Variants in ATP1A4 observed in about 807,000 individuals in gnomAD.
ATP1A4 encodes the protein ATPase Na+/K+ transporting subunit alpha 4, also known as sodium/potassium-transporting ATPase subunit alpha-4.
ATP1A4 carries 90 observed loss-of-function variants against 114.3 expected under a neutral mutation model. That is an observed-to-expected ratio of 0.79 (90% CI 0.66 to 0.94). ATP1A4 has a LOEUF of 0.94. Among genes scored for constraint, ATP1A4 ranks in the 40% least tolerant of loss-of-function variants. The pLI is 0.00. For missense variants in ATP1A4, 1,222 were observed against 1,313.6 expected (o/e 0.93, Z 1.08); for synonymous variants, 511 against 494.1 (o/e 1.03, Z -0.45).
At position 160,156,102 on chromosome 1, in the gene ATP1A4, T is replaced by C. The variant is rs1332931453; in HGVS notation, c.469T>C (p.Tyr157His). 6.2e-7 allele frequency: 1 copy of C among 1,614,008 alleles called. No homozygotes were observed. Among genetic ancestry groups the C allele is most frequent in the African/African-American group, 1.3e-5 (1 of 75,006 alleles). Residue 157 changes from tyrosine to histidine, a missense_variant, in exon 4 of 22, where the codon TAT (tyrosine) becomes CAT (histidine). Physicochemically the swap from Tyr to His is moderately conservative, Grantham distance 83. Transcript: ENST00000368081. ...CATCGTCACTGGCTGCTTCTCCTAT[T>C]ATCAGGAGGCCAAGAGCTCCAAGAT... ...VVIVTGCFSY[Y>H]QEAKSSKIME...
intron 12 of ATP1A4, among the ~76,000 whole-genome samples, chr1:160,172,934 A>G (rs1406418969): frequency 6.6e-6 from 1 of 152,356 alleles, no homozygotes; most frequent in East Asian, 1.9e-4. Context: ...GAAACTTTAC[A>G]AGGAAGCCAC....
At chr1:160,178,224 G>A (rs927978733) in intron 18 of ATP1A4, among the ~76,000 whole-genome samples, 6 of 151,776 alleles carry the variant, frequency 4.0e-5, no homozygotes, top group Admixed American at 6.6e-5. Flanking sequence ...GCGTGGTGGC[G>A]CATGCCTGTA....
chr1:160,170,408 G>T (rs1406272759), intron 10 of ATP1A4: 3 of 152,466 alleles, frequency 2.0e-5, no homozygotes, highest in African/African-American at 7.2e-5. Flanking sequence ...CTGGGCGACA[G>T]AGTGAGACTC....
At chr1:160,175,988 C>T in intron 15 of ATP1A4, 104 bp from the exon 16 acceptor site, 1 of 1,239,968 alleles carries the variant, frequency 8.1e-7, no homozygotes. Flanking sequence ...AGACCCTTTC[C>T]TGGACTGTGA....
chr1:160,164,138 C>T lies in ATP1A4; in HGVS notation c.779-18C>T, dbSNP rs530595478. 1.7e-5 allele frequency: 28 copies of T among 1,612,656 alleles called. No individual in the cohort carries two copies. In the South Asian group the frequency reaches 2.7e-4, roughly 16 times the overall value. The stretch of plus-strand genomic sequence containing the variant: ...TCATATCACAACATCACATTGCCCT[C>T]TCCTGCTTCATCCACAGGAACCGCC... On this transcript the variant is annotated intron_variant, in intron 6 of 21. Coordinates refer to ENST00000368081, the MANE Select transcript of ATP1A4 (RefSeq NM_144699.4).
intron 20 of ATP1A4, among the ~76,000 whole-genome samples, chr1:160,184,014 G>T (rs541598452): frequency 6.7e-6 from 1 of 149,056 alleles, no homozygotes; most frequent in South Asian, 2.1e-4. Flanking sequence ...GTGCAGTAGC[G>T]CAATCTCGGC....
chr1:160,159,698 T>G (rs746803402), intron 6 of ATP1A4, among the ~76,000 whole-genome samples, 172 bp downstream of exon 6: 2 of 152,228 alleles, frequency 1.3e-5, no homozygotes, highest in Non-Finnish European at 2.9e-5. Context: ...ATTTCCACAT[T>G]CGCACAGTGA....
intron 20 of ATP1A4, among the ~76,000 whole-genome samples, chr1:160,182,327 G>A (rs1435843800): frequency 6.6e-6 from 1 of 152,166 alleles, no homozygotes; most frequent in Non-Finnish European, 1.5e-5. Context: ...AGTTGTCCAA[G>A]GATACATATT....
At chr1:160,185,061 T>C (rs1571040342) in intron 20 of ATP1A4, among the ~76,000 whole-genome samples, 2 of 151,810 alleles carry the variant, frequency 1.3e-5, no homozygotes, top group Middle Eastern at 7.0e-3. Context: ...CTTGTGAACA[T>C]TGCATATACT....
chr1:160,171,126 G>C (rs1015132263), intron 10 of ATP1A4, 125 bp from the exon 11 acceptor site: 1 of 828,812 alleles, frequency 1.2e-6, no homozygotes, highest in Non-Finnish European at 1.9e-6. Flanking sequence ...GACTGGGGAG[G>C]GGAGGGAACA....
chr1:160,182,727 A>C (rs562279992), intron 20 of ATP1A4: 1 of 152,774 alleles, frequency 6.5e-6, no homozygotes, highest in African/African-American at 2.4e-5. Flanking sequence ...GCTGGAGTGA[A>C]ATGGCGCATT....
chr1:160,159,887 G>T (rs1652810449), intron 6 of ATP1A4, among the ~76,000 whole-genome samples: 1 of 152,206 alleles, frequency 6.6e-6, no homozygotes, highest in Admixed American at 6.5e-5. Flanking sequence ...AAATTGTTCA[G>T]CCCTGCTAAG....
chr1:160,169,026 TG>T (rs35926248), intron 10 of ATP1A4, among the ~76,000 whole-genome samples: 30,579 of 152,168 alleles, frequency 0.2, 3,526 homozygotes, highest in African/African-American at 0.32. Flanking sequence ...TTCTCTCAGA[TG>T]ACTATGTTGC....
chr1:160,174,429 T>TA (rs1160188477), intron 14 of ATP1A4, 150 bp from the exon 15 acceptor site: 1 of 1,416,438 alleles, frequency 7.1e-7, no homozygotes, highest in African/African-American at 1.4e-5. Context: ...AAAGTTTAAA[T>TA]ATCTCAGGAG....
At chr1:160,152,329 TAAA>T (rs35726220) in intron 1 of ATP1A4, 142 bp downstream of exon 1, 2,679 of 679,288 alleles carry the variant, frequency 3.9e-3, no homozygotes, top group South Asian at 5.7e-3. Context: ...AGGAGAGGGT[TAAA>T]AAAAAAAAAA....
intron 4 of ATP1A4, among the ~76,000 whole-genome samples, chr1:160,157,720 CAGAG>C (rs1191604325): frequency 1.3e-5 from 2 of 152,016 alleles, no homozygotes; most frequent in South Asian, 2.1e-4. Flanking sequence ...AGAGTATACA[CAGAG>C]AGAGAGAGGA....
At chr1:160,178,312 G>A (rs1233286971) in intron 18 of ATP1A4, among the ~76,000 whole-genome samples, 2 of 151,212 alleles carry the variant, frequency 1.3e-5, no homozygotes, top group Non-Finnish European at 2.9e-5. Flanking sequence ...CCAAGATCAC[G>A]CCATTGCACT....
intron 2 of ATP1A4, among the ~76,000 whole-genome samples, chr1:160,154,249 G>A (rs1652556558): frequency 6.6e-6 from 1 of 152,002 alleles, no homozygotes; most frequent in Non-Finnish European, 1.5e-5. Flanking sequence ...AGCTACTTGG[G>A]AGGCTGAGGC....
Position 160,173,694 on chromosome 1 carries a change from C to T in ATP1A4, c.1968C>T (p.Ile656=), listed in dbSNP as rs1251163890. Reference sequence around the variant, plus strand: ...AGGAAGTCGCTGCCCGGCTTAAGATCCCTATCAGCAAGGTCGATGCCAGGT... The same window carrying T: ...AGGAAGTCGCTGCCCGGCTTAAGATTCCTATCAGCAAGGTCGATGCCAGGT... ...TAEEVAARLK[I]PISKVDASAA... The change falls in exon 13 of 22, where the codon ATC becomes ATT. Residue 656 remains isoleucine (I), a synonymous_variant. Transcript: ENST00000368081. 1.2e-6 allele frequency: 2 copies of T among 1,613,994 alleles called. No individual in the cohort carries two copies. Among genetic ancestry groups the T allele is most frequent in the Non-Finnish European group, 1.7e-6 (2 of 1,180,024 alleles).
Sources: gnomAD v4.1 joint callset for allele counts (sites outside exome capture counted in the v4.1 genomes callset) on GRCh38, gnomAD v4.1.1 for gene constraint, MANE v1.5 for transcripts, NCBI Gene and HGNC (gene_info 2026-07-23, HGNC 2026-07-21) for gene names.